The following MAGI2 variants were observed in gnomAD, a reference collection of about 807,000 sequenced individuals.
MAGI2 encodes the protein membrane-associated guanylate kinase, WW and PDZ domain-containing protein 2.
Under a neutral mutation model 133.3 loss-of-function variants are expected in MAGI2, and 35 were observed. The ratio of observed to expected loss-of-function variants is 0.26; its 90% confidence interval spans 0.20 to 0.35. The LOEUF is 0.35. Ranked by LOEUF, MAGI2 falls within the 10% of genes least tolerant of loss-of-function variation. The pLI, the probability that MAGI2 is intolerant of heterozygous loss-of-function variation, is 1.00. For missense variants in MAGI2, 1,636 were observed against 1,863.4 expected, an observed-to-expected ratio of 0.88 and a Z score of 2.25; for synonymous variants, 729 against 710.6, an observed-to-expected ratio of 1.03 and a Z score of -0.41.
intron 6 of MAGI2, among the ~76,000 whole-genome samples, chr7:78,380,049 T>C (rs1169047800): frequency 6.6e-6 from 1 of 151,670 alleles, no homozygotes; most frequent in East Asian, 1.9e-4. Flanking sequence ...AGAAGAAATT[T>C]TATAATATAT....
At chr7:78,872,658 CA>C (rs1481510492) in intron 2 of MAGI2, among the ~76,000 whole-genome samples, 1 of 150,954 alleles carries the variant, frequency 6.6e-6, no homozygotes, top group Non-Finnish European at 1.5e-5. Flanking sequence ...AGTAACTGAT[CA>C]ACAGTTTTTA....
chr7:78,345,230 A>C (rs1210347911), intron 8 of MAGI2, among the ~76,000 whole-genome samples: 1 of 152,218 alleles, frequency 6.6e-6, no homozygotes, highest in Non-Finnish European at 1.5e-5. Context: ...TTATAGTTGG[A>C]GATAAGTTCA....
chr7:78,455,987 C>G (rs1279299848), intron 6 of MAGI2, among the ~76,000 whole-genome samples: 1 of 151,594 alleles, frequency 6.6e-6, no homozygotes, highest in Non-Finnish European at 1.5e-5. Flanking sequence ...TCGATATTTT[C>G]TTTACAGCTC....
At chr7:79,404,105 C>T (rs1266921159) in intron 1 of MAGI2, among the ~76,000 whole-genome samples, 1 of 152,044 alleles carries the variant, frequency 6.6e-6, no homozygotes, top group Admixed American at 6.6e-5. Flanking sequence ...ACAGTCTAGC[C>T]CTATGACTAC....
At chr7:78,574,105 A>C (rs901204103) in intron 3 of MAGI2, among the ~76,000 whole-genome samples, 7 of 152,204 alleles carry the variant, frequency 4.6e-5, no homozygotes, top group Non-Finnish European at 7.3e-5. Context: ...TATGGTGGAC[A>C]TGGAGAGCTG....
At chr7:79,191,980 T>C (rs1383259346) in intron 1 of MAGI2, among the ~76,000 whole-genome samples, 1 of 151,896 alleles carries the variant, frequency 6.6e-6, no homozygotes, top group Non-Finnish European at 1.5e-5. Context: ...AAAAGTATTT[T>C]AAATGCATTT....
At chr7:78,535,754 A>G (rs144471804) in intron 3 of MAGI2, among the ~76,000 whole-genome samples, 3 of 152,236 alleles carry the variant, frequency 2.0e-5, no homozygotes, top group East Asian at 1.9e-4. Context: ...AATTATGGTT[A>G]AAGAGTCACC....
rs568807297 is a variant in MAGI2, at chr7:79,124,820, C to A, written c.302-117614G>T. On this transcript the variant is annotated intron_variant, in intron 1 of 21. Coordinates refer to ENST00000354212, the MANE Select transcript of MAGI2 (RefSeq NM_012301.4). ...GAGCTTTGAAACAACCCATGAGAAT[C>A]TGAGGATCCATTTTGAGCAATGGGG... is the stretch of plus-strand genomic sequence containing the variant. 45 of 173,250 alleles carry A rather than the reference C, an allele frequency of 2.6e-4. No individual in the cohort carries two copies. The South Asian group carries it at 5.4e-3, about 21-fold the overall frequency. 10.7% of individuals were successfully genotyped at this position (173,250 alleles called of 1,614,324 possible). A position where few individuals can be genotyped will look rare whatever the true frequency, so the allele number is the denominator to read the frequency against.
At chr7:78,300,454 C>T (rs1797728773) in intron 9 of MAGI2, among the ~76,000 whole-genome samples, 1 of 152,130 alleles carries the variant, frequency 6.6e-6, no homozygotes, top group South Asian at 2.1e-4. Flanking sequence ...CCACCATAAA[C>T]AACGTGAAAT....
chr7:79,023,720 G>T (rs1809571490), intron 1 of MAGI2, among the ~76,000 whole-genome samples: 1 of 152,060 alleles, frequency 6.6e-6, no homozygotes. Flanking sequence ...AATTGAGACT[G>T]CAATTCCATT....
chr7:78,276,514 T>C (rs59711353), intron 9 of MAGI2, among the ~76,000 whole-genome samples: 2,949 of 152,212 alleles, frequency 0.019, 103 homozygotes, highest in African/African-American at 0.067. Context: ...CTTCAGTGTT[T>C]ATTTCACTTA....
chr7:78,311,783 T>G (rs1353487723), intron 9 of MAGI2, among the ~76,000 whole-genome samples: 1 of 152,084 alleles, frequency 6.6e-6, no homozygotes, highest in Non-Finnish European at 1.5e-5. Flanking sequence ...CTTTTTTTTT[T>G]TTTTTGAGAC....
At chr7:79,339,800 C>T (rs1840756935) in intron 1 of MAGI2, among the ~76,000 whole-genome samples, 2 of 152,026 alleles carry the variant, frequency 1.3e-5, no homozygotes, top group South Asian at 4.2e-4. Context: ...AACTTTGTTT[C>T]CTTGAGTATT....
At chr7:78,652,899 A>G (rs1247726473) in intron 2 of MAGI2, among the ~76,000 whole-genome samples, 2 of 152,120 alleles carry the variant, frequency 1.3e-5, no homozygotes, top group South Asian at 4.1e-4. Flanking sequence ...ACAAAGGGCT[A>G]ATATCCAGAA....
intron 21 of MAGI2, among the ~76,000 whole-genome samples, chr7:78,037,159 T>C (rs1408729818): frequency 6.6e-6 from 1 of 152,020 alleles, no homozygotes; most frequent in Non-Finnish European, 1.5e-5. Context: ...AACATGAGCG[T>C]TGGGCAGACA....
intron 3 of MAGI2, among the ~76,000 whole-genome samples, chr7:78,609,490 A>G (rs113118684): frequency 0.054 from 8,242 of 152,298 alleles, 272 homozygotes; most frequent in East Asian, 0.086. Context: ...GAAGGAAAAG[A>G]AAATAAAATG....
intron 2 of MAGI2, among the ~76,000 whole-genome samples, chr7:78,712,561 C>T (rs999721215): frequency 3.3e-5 from 5 of 152,152 alleles, no homozygotes; most frequent in African/African-American, 1.2e-4. Flanking sequence ...ACAAAACTCA[C>T]TGCACTTCAT....
At chr7:79,200,249 T>G (rs993506287) in intron 1 of MAGI2, among the ~76,000 whole-genome samples, 1 of 151,988 alleles carries the variant, frequency 6.6e-6, no homozygotes, top group Non-Finnish European at 1.5e-5. Context: ...TTGAAAAGTT[T>G]TAGGCCAAGG....
intron 2 of MAGI2, among the ~76,000 whole-genome samples, chr7:78,943,038 A>C (rs1010732471): frequency 1.3e-5 from 2 of 152,150 alleles, no homozygotes; most frequent in African/African-American, 4.8e-5. Flanking sequence ...GCCAAGAAAT[A>C]GTTGAATAAG....
Sources: allele counts gnomAD v4.1 joint callset (sites outside exome capture counted in the v4.1 genomes callset), GRCh38; gene constraint gnomAD v4.1.1; transcripts MANE v1.5; gene names NCBI Gene and HGNC (gene_info 2026-07-23, HGNC 2026-07-21).